RUNX2: variants seen among roughly 807,000 people sequenced by gnomAD.
RUNX2 encodes the protein RUNX family transcription factor 2, also known as runt-related transcription factor 2.
A neutral mutation model predicts 51.7 loss-of-function variants in RUNX2; 10 were observed. The observed-to-expected ratio is 0.19, with a 90% CI of 0.12 to 0.33. RUNX2 has a LOEUF of 0.33. RUNX2 is among the 10% of genes least tolerant of loss of function. RUNX2 has a pLI of 1.00. For synonymous variants in RUNX2, 276 were observed against 273.6 expected (o/e 1.01, Z -0.09); for missense variants, 562 against 691.3 (o/e 0.81, Z 2.10).
intron 2 of RUNX2, among the ~76,000 whole-genome samples, chr6:45,345,551 T>C (rs1159450695): frequency 1.3e-5 from 2 of 152,198 alleles, no homozygotes; most frequent in Non-Finnish European, 1.5e-5. Flanking sequence ...ATAGAAACCT[T>C]GGAATCATTT....
chr6:45,422,792 G>C lies in RUNX2; in HGVS notation c.258G>C (p.Ala86=). 3 of 1,498,470 alleles carry C rather than the reference G, an allele frequency of 2.0e-6. No individual in the cohort carries two copies. Among genetic ancestry groups the C allele is most frequent in the Non-Finnish European group, 2.7e-6 (3 of 1,131,208 alleles). The allele number at this position is 1,498,470 out of a possible 1,614,324, so 92.8% of individuals were successfully genotyped here. A position where few individuals can be genotyped will look rare whatever the true frequency, so the allele number is the denominator to read the frequency against. The part of the protein sequence containing the change: ...AAAAAAAAAA[A]AAAVPRLRPP... ...CGGCGGCGGCGGCGGCTGCGGCGGC[G>C]GCAGCTGCAGTGCCCCGGTTGCGGC... The change falls in exon 3 of 9, where the codon GCG becomes GCC. Residue 86 remains alanine, a synonymous_variant. Coordinates refer to ENST00000647337, the MANE Select transcript of RUNX2 (RefSeq NM_001024630.4).
intron 2 of RUNX2, among the ~76,000 whole-genome samples, chr6:45,368,240 T>C (rs1344673546): frequency 6.6e-6 from 1 of 152,170 alleles, no homozygotes; most frequent in Non-Finnish European, 1.5e-5. Flanking sequence ...TATTTCAACA[T>C]GCCAGAGTTT....
At chr6:45,515,612 C>G (rs996765634) in intron 7 of RUNX2, among the ~76,000 whole-genome samples, 1 of 152,128 alleles carries the variant, frequency 6.6e-6, no homozygotes, top group Non-Finnish European at 1.5e-5. Context: ...AAACAAAGCC[C>G]TTAGATTATC....
At chr6:45,499,290 C>T (rs1376964855) in intron 6 of RUNX2, among the ~76,000 whole-genome samples, 3 of 151,296 alleles carry the variant, frequency 2.0e-5, no homozygotes, top group Non-Finnish European at 4.4e-5. Context: ...AAATTTGCTG[C>T]TGCCTTGCAC....
intron 6 of RUNX2, among the ~76,000 whole-genome samples, chr6:45,495,195 A>C (rs1230422995): frequency 6.6e-6 from 1 of 152,224 alleles, no homozygotes; most frequent in Non-Finnish European, 1.5e-5. Context: ...TACATTGTAC[A>C]TTCTTTGAGG....
At chr6:45,359,451 T>C (rs1263580408) in intron 2 of RUNX2, among the ~76,000 whole-genome samples, 1 of 152,152 alleles carries the variant, frequency 6.6e-6, no homozygotes, top group African/African-American at 2.4e-5. Context: ...AACAGATGCA[T>C]TTCACAAAAA....
chr6:45,453,475 C>T (rs961230823), intron 5 of RUNX2, among the ~76,000 whole-genome samples: 1 of 152,156 alleles, frequency 6.6e-6, no homozygotes, highest in Non-Finnish European at 1.5e-5. Context: ...CAACAGAACA[C>T]CCACTGGTAT....
chr6:45,374,487 C>T (rs1272750731), intron 2 of RUNX2, among the ~76,000 whole-genome samples: 1 of 152,150 alleles, frequency 6.6e-6, no homozygotes, highest in African/African-American at 2.4e-5. Context: ...AGCGAGAACT[C>T]AAATCAAGTG....
At chr6:45,464,642 C>G (rs1799572260) in intron 5 of RUNX2, among the ~76,000 whole-genome samples, 1 of 152,206 alleles carries the variant, frequency 6.6e-6, no homozygotes, top group South Asian at 2.1e-4. Flanking sequence ...CCAAAACTCA[C>G]TTTCTTACAG....
intron 5 of RUNX2, among the ~76,000 whole-genome samples, chr6:45,489,506 C>A (rs1230018438): frequency 6.6e-6 from 1 of 152,190 alleles, no homozygotes; most frequent in Admixed American, 6.5e-5. Flanking sequence ...TTTCTTGTGA[C>A]CCATGGCCCA....
At chr6:45,399,349 C>CTTTTTTTTTTTTTTTTTTT (rs398048486) in intron 2 of RUNX2, among the ~76,000 whole-genome samples, 1 of 57,376 alleles carries the variant, frequency 1.7e-5, no homozygotes, top group Non-Finnish European at 3.4e-5. Flanking sequence ...CTTTTCTTTC[C>CTTTTTTTTTTTTTTTTTTT]TTTTTTTTTT....
chr6:45,541,100 T>C (rs1018020740), intron 7 of RUNX2, among the ~76,000 whole-genome samples: 20 of 152,350 alleles, frequency 1.3e-4, no homozygotes, highest in African/African-American at 4.6e-4. Context: ...TACAGAGTTA[T>C]TGTACAGAGT....
At chr6:45,337,054 A>C (rs1305120152) in intron 2 of RUNX2, among the ~76,000 whole-genome samples, 2 of 151,724 alleles carry the variant, frequency 1.3e-5, no homozygotes, top group African/African-American at 4.8e-5. Context: ...ATAAAACTAC[A>C]TAGCAACAAT....
intron 5 of RUNX2, among the ~76,000 whole-genome samples, chr6:45,446,121 G>A (rs12662466): frequency 3.9e-5 from 6 of 152,158 alleles, no homozygotes; most frequent in Admixed American, 2.6e-4. Context: ...AGGAGCTATG[G>A]CATTAACATC....
intron 4 of RUNX2, among the ~76,000 whole-genome samples, chr6:45,437,697 T>G (rs963348046): frequency 8.5e-5 from 13 of 152,104 alleles, no homozygotes; most frequent in Non-Finnish European, 1.3e-4. Context: ...ACTGAGGAGC[T>G]TTTTTGGAAT....
chr6:45,328,463 G>A lies in RUNX2; in HGVS notation c.-67+3G>A, dbSNP rs372706365. 1 of 1,475,016 alleles carries A rather than the reference G, an allele frequency of 6.8e-7. No individual in the cohort carries two copies. Among genetic ancestry groups the A allele is most frequent in the African/African-American group, 1.4e-5 (1 of 71,454 alleles). 91.4% of individuals were successfully genotyped at this position (1,475,016 alleles called of 1,614,324 possible). ...AGCCACCGAGACCAACAGAGTCAGTGAGTGCTCTCTAACCACAGTCTATGC... is the reference window on the plus strand; with the variant it reads ...AGCCACCGAGACCAACAGAGTCAGTAAGTGCTCTCTAACCACAGTCTATGC... On this transcript the variant is annotated splice_donor_region_variant and intron_variant, in intron 1 of 8. Coordinates refer to ENST00000647337, the MANE Select transcript of RUNX2 (RefSeq NM_001024630.4).
intron 3 of RUNX2, among the ~76,000 whole-genome samples, chr6:45,430,198 G>A (rs557574522): frequency 1.3e-5 from 2 of 152,220 alleles, no homozygotes; most frequent in South Asian, 2.1e-4. Flanking sequence ...CCCTTCTCTC[G>A]TGTAGTTTCC....
chr6:45,442,798 T>C (rs966004469), intron 5 of RUNX2, among the ~76,000 whole-genome samples: 5 of 151,680 alleles, frequency 3.3e-5, no homozygotes, highest in African/African-American at 1.2e-4. Flanking sequence ...TAGTGGCTGG[T>C]GCTGGAACAT....
intron 2 of RUNX2, among the ~76,000 whole-genome samples, chr6:45,396,964 T>TA (rs1184351112): frequency 2.6e-5 from 4 of 152,214 alleles, no homozygotes; most frequent in African/African-American, 4.8e-5. Flanking sequence ...AATGCTGCTA[T>TA]AAAAAATGCT....
Sources: allele counts gnomAD v4.1 joint callset (sites outside exome capture counted in the v4.1 genomes callset), GRCh38; gene constraint gnomAD v4.1.1; transcripts MANE v1.5; gene names NCBI Gene and HGNC (gene_info 2026-07-23, HGNC 2026-07-21).